OLA1: variants seen among roughly 807,000 people sequenced by gnomAD.
OLA1 encodes the protein Obg like ATPase 1.
Under a neutral mutation model 48.4 loss-of-function variants are expected in OLA1, and 14 were observed. That is an observed-to-expected ratio of 0.29 (90% CI 0.19 to 0.45). The LOEUF (loss-of-function observed/expected upper bound fraction) is 0.45, where lower values mean the gene tolerates loss of function less well. Ranked by LOEUF, OLA1 falls within the 20% of genes least tolerant of loss-of-function variation. OLA1 has a pLI of 1.00. For missense variants in OLA1, 325 were observed against 467.1 expected, an observed-to-expected ratio of 0.70 and a Z score of 2.80; for synonymous variants, 127 against 150.4, an observed-to-expected ratio of 0.84 and a Z score of 1.14.
chr2:174,085,142 T>C (rs1021256651), intron 7 of OLA1, among the ~76,000 whole-genome samples: 1 of 152,200 alleles, frequency 6.6e-6, no homozygotes, highest in Non-Finnish European at 1.5e-5. Context: ...TTCCCGGTAG[T>C]GATTCCACAG....
chr2:174,081,178 CT>C lies in OLA1; in HGVS notation c.939del (p.Asp314MetfsTer34). On this transcript the variant is annotated frameshift_variant, in exon 9 of 11. Transcript: ENST00000284719. LOFTEE classifies it high-confidence loss of function. Reference sequence around the variant, plus strand: ...CTGATGGTCCATGCACGCACTTCATCTGGGCCTGCAGTGAAAAAGTATTCTA... The same window carrying C: ...CTGATGGTCCATGCACGCACTTCATCGGGCCTGCAGTGAAAAAGTATTCTA... ...LQLEYFFTAG[P>X]DEVRAWTIRK... 6.2e-7 allele frequency: 1 copy of C among 1,612,326 alleles called. No homozygotes were observed. The highest frequency in any genetic ancestry group is 8.5e-7 in the Non-Finnish European group (1 of 1,178,994).
chr2:174,191,825 A>G (rs1014272025), intron 4 of OLA1, among the ~76,000 whole-genome samples: 5 of 152,092 alleles, frequency 3.3e-5, no homozygotes, highest in South Asian at 2.1e-4. Context: ...GCATTATCTA[A>G]ATTCTTCCTC....
intron 10 of OLA1, among the ~76,000 whole-genome samples, chr2:174,076,939 A>T (rs1435314254): frequency 1.3e-5 from 2 of 152,128 alleles, no homozygotes; most frequent in Non-Finnish European, 2.9e-5. Flanking sequence ...AGACAATATA[A>T]ATCAAGTACA....
chr2:174,085,564 G>A (rs1253382657), intron 7 of OLA1, among the ~76,000 whole-genome samples: 1 of 152,148 alleles, frequency 6.6e-6, no homozygotes, highest in Non-Finnish European at 1.5e-5. Context: ...GTCGGGGACC[G>A]CTTGTCTACA....
intron 4 of OLA1, among the ~76,000 whole-genome samples, chr2:174,213,396 C>A (rs1249689022): frequency 6.6e-6 from 1 of 151,958 alleles, no homozygotes; most frequent in Non-Finnish European, 1.5e-5. Context: ...AAATAACACA[C>A]AAATGTCTTA....
chr2:174,239,792 G>A (rs1688951650), intron 2 of OLA1, among the ~76,000 whole-genome samples: 1 of 151,692 alleles, frequency 6.6e-6, no homozygotes, highest in Non-Finnish European at 1.5e-5. Flanking sequence ...TATTCAGGTG[G>A]CTGAGGTGGA....
intron 4 of OLA1, among the ~76,000 whole-genome samples, chr2:174,185,926 C>CAAATAAAT (rs138608479): frequency 2.0e-5 from 3 of 151,700 alleles, no homozygotes; most frequent in Admixed American, 6.6e-5. Context: ...GACTCCAACT[C>CAAATAAAT]AAATAAATAA....
At chr2:174,093,371 G>C (rs1225758991) in intron 7 of OLA1, among the ~76,000 whole-genome samples, 1 of 151,940 alleles carries the variant, frequency 6.6e-6, no homozygotes, top group Non-Finnish European at 1.5e-5. Flanking sequence ...AGGAGGTTGA[G>C]GTGGGAGGAT....
intron 5 of OLA1, among the ~76,000 whole-genome samples, chr2:174,135,368 T>C (rs887043577): frequency 2.0e-5 from 3 of 152,092 alleles, no homozygotes; most frequent in African/African-American, 4.8e-5. Context: ...CCATAGGAAA[T>C]AGGTAATTTA....
chr2:174,163,697 A>AAAATAAAAT (rs1687066199), intron 4 of OLA1, among the ~76,000 whole-genome samples: 1 of 64,094 alleles, frequency 1.6e-5, no homozygotes, highest in African/African-American at 6.9e-5. Flanking sequence ...TCTCAAAAAT[A>AAAATAAAAT]AAATAAATAA....
In OLA1 at chr2:174,109,021, A is replaced by G. The variant is rs564247599; in HGVS notation, c.728+14159T>C. ...CCATCAGAAATGGCTTAGAGTATCA[A>G]ATAATTTCTATTTGTCAGGAACTAC... On this transcript the variant is annotated intron_variant, in intron 7 of 10. Coordinates refer to ENST00000284719, the MANE Select transcript of OLA1 (RefSeq NM_013341.5). 3.3e-5 allele frequency among the ~76,000 whole-genome samples: 5 copies of G among 152,298 alleles called. No individual in the cohort carries two copies. The East Asian group carries it at 5.8e-4, about 18-fold the overall frequency.
chr2:174,176,613 C>T (rs1687423993), intron 4 of OLA1, among the ~76,000 whole-genome samples: 1 of 152,090 alleles, frequency 6.6e-6, no homozygotes, highest in Admixed American at 6.6e-5. Context: ...AACTCCTTCT[C>T]AGGTGCCCCT....
intron 5 of OLA1, among the ~76,000 whole-genome samples, chr2:174,135,077 A>G (rs1029574033): frequency 6.6e-6 from 1 of 151,396 alleles, no homozygotes; most frequent in African/African-American, 2.4e-5. Context: ...GGAGACTGGC[A>G]TGAACCCGGG....
At chr2:174,156,578 CTTTTTTTTTTTTT>C (rs5836451) in intron 4 of OLA1, among the ~76,000 whole-genome samples, 1,137 of 74,254 alleles carry the variant, frequency 0.015, 33 homozygotes, top group African/African-American at 0.052. Context: ...CTCCCACACT[CTTTTTTTTTTTTT>C]TTTTTTTTTT....
At chr2:174,186,177 C>T (rs1687652178) in intron 4 of OLA1, among the ~76,000 whole-genome samples, 1 of 152,092 alleles carries the variant, frequency 6.6e-6, no homozygotes, top group African/African-American at 2.4e-5. Flanking sequence ...AGTAAGTTAA[C>T]ATATAAATTT....
chr2:174,182,965 A>G (rs1687581028), intron 4 of OLA1, among the ~76,000 whole-genome samples: 1 of 152,220 alleles, frequency 6.6e-6, no homozygotes. Flanking sequence ...AATTTAGTTC[A>G]CTGAAAAGTA....
chr2:174,112,763 G>A (rs973033068), intron 7 of OLA1, among the ~76,000 whole-genome samples: 1 of 152,148 alleles, frequency 6.6e-6, no homozygotes, highest in Non-Finnish European at 1.5e-5. Flanking sequence ...GAAGATGCCA[G>A]TGACATACTC....
At chr2:174,222,335 G>A (rs1688523768) in intron 4 of OLA1, among the ~76,000 whole-genome samples, 1 of 152,110 alleles carries the variant, frequency 6.6e-6, no homozygotes, top group East Asian at 1.9e-4. Context: ...AGAAACAAAT[G>A]CACTTAACCA....
intron 5 of OLA1, among the ~76,000 whole-genome samples, chr2:174,133,361 A>G (rs1456961464): frequency 1.3e-5 from 2 of 151,910 alleles, no homozygotes; most frequent in African/African-American, 2.4e-5. Flanking sequence ...TTGACATACA[A>G]TATTTTCTTT....
Sources: gnomAD v4.1 joint callset for allele counts (sites outside exome capture counted in the v4.1 genomes callset) on GRCh38, gnomAD v4.1.1 for gene constraint, MANE v1.5 for transcripts, NCBI Gene and HGNC (gene_info 2026-07-23, HGNC 2026-07-21) for gene names.